Variants in PEX5L observed in about 807,000 individuals in gnomAD.
PEX5L encodes peroxisomal biogenesis factor 5 like.
A neutral mutation model predicts 84.0 loss-of-function variants in PEX5L; 30 were observed. The ratio of observed to expected loss-of-function variants is 0.36; its 90% CI spans 0.27 to 0.48. The LOEUF (loss-of-function observed/expected upper bound fraction) is 0.48, where lower values mean the gene tolerates loss of function less well. PEX5L is among the 20% of genes least tolerant of loss of function. The pLI is 0.99. For missense variants in PEX5L, 533 were observed against 754.6 expected (o/e 0.71, Z 3.44); for synonymous variants, 270 against 283.1 (o/e 0.95, Z 0.46).
chr3:179,891,037 T>C (rs971517018), intron 3 of PEX5L, among the ~76,000 whole-genome samples: 1 of 151,338 alleles, frequency 6.6e-6, no homozygotes, highest in African/African-American at 2.4e-5. Context: ...GAAAGCACAC[T>C]AGCACTCTCA....
chr3:179,947,028 C>G lies in PEX5L; in HGVS notation c.93+24566G>C, dbSNP rs1278581587. Reference sequence around the variant, plus strand: ...GGTTTCATAGTATATGAAACATGGACGCCCTACTTGGGTAATTTTCAATTG... The same window carrying G: ...GGTTTCATAGTATATGAAACATGGAGGCCCTACTTGGGTAATTTTCAATTG... On this transcript the variant is annotated intron_variant, in intron 2 of 14. Transcript: ENST00000467460. Among the ~76,000 whole-genome samples, 10 of 152,222 alleles carry G rather than the reference C, an allele frequency of 6.6e-5. No individual in the cohort carries two copies. In the East Asian group the frequency reaches 1.9e-3, roughly 29 times the overall value.
At chr3:179,814,286 TG>T (rs1464325995) in intron 10 of PEX5L, among the ~76,000 whole-genome samples, 1 of 152,204 alleles carries the variant, frequency 6.6e-6, no homozygotes, top group African/African-American at 2.4e-5. Flanking sequence ...GGCTAAATAT[TG>T]ATGTGCCAGG....
intron 1 of PEX5L, among the ~76,000 whole-genome samples, chr3:180,026,864 AC>A (rs554491787): frequency 9.4e-4 from 143 of 152,272 alleles, no homozygotes; most frequent in African/African-American, 3.2e-3. Flanking sequence ...CTTAAAAAAA[AC>A]TTCCCCAAAT....
At chr3:179,905,124 G>A (rs931743505) in intron 2 of PEX5L, among the ~76,000 whole-genome samples, 1 of 152,094 alleles carries the variant, frequency 6.6e-6, no homozygotes, top group African/African-American at 2.4e-5. Context: ...TAAAAGCCTG[G>A]ACCCTTTAGA....
At chr3:179,843,003 C>T (rs1737876825) in intron 8 of PEX5L, among the ~76,000 whole-genome samples, 1 of 151,790 alleles carries the variant, frequency 6.6e-6, no homozygotes, top group Non-Finnish European at 1.5e-5. Context: ...TTCTCTTTTC[C>T]CATCATGGCT....
intron 1 of PEX5L, among the ~76,000 whole-genome samples, chr3:179,978,986 C>T (rs1220646531): frequency 2.6e-5 from 4 of 152,118 alleles, no homozygotes; most frequent in Non-Finnish European, 2.9e-5. Context: ...TGAAAAACAG[C>T]AAACAACCTC....
intron 1 of PEX5L, among the ~76,000 whole-genome samples, chr3:180,025,647 G>A (rs952778999): frequency 7.9e-5 from 12 of 152,024 alleles, no homozygotes; most frequent in African/African-American, 2.9e-4. Context: ...CATTCAGAGC[G>A]TATGTAAGGC....
intron 2 of PEX5L, among the ~76,000 whole-genome samples, chr3:179,940,426 A>G (rs17692413): frequency 0.026 from 3,976 of 152,120 alleles, 78 homozygotes; most frequent in Middle Eastern, 0.058. Context: ...AATGAGATGG[A>G]AAGAGACCTA....
At chr3:179,878,316 A>G (rs1199061365) in intron 5 of PEX5L, among the ~76,000 whole-genome samples, 1 of 152,014 alleles carries the variant, frequency 6.6e-6, no homozygotes, top group Non-Finnish European at 1.5e-5. Context: ...CCTTGTCACT[A>G]TTGGATCTCT....
At chr3:179,919,441 T>C in intron 2 of PEX5L, among the ~76,000 whole-genome samples, 1 of 152,202 alleles carries the variant, frequency 6.6e-6, no homozygotes, top group East Asian at 1.9e-4. Flanking sequence ...TTTTGGCAAA[T>C]GACTAGGGGC....
chr3:179,887,144 C>T (rs1756143707), intron 4 of PEX5L, among the ~76,000 whole-genome samples: 1 of 152,136 alleles, frequency 6.6e-6, no homozygotes, highest in Non-Finnish European at 1.5e-5. Context: ...ATGTTTAATT[C>T]CAGGAGAACA....
intron 11 of PEX5L, 113 bp from the exon 12 acceptor site, chr3:179,809,781 C>T (rs1185508064): frequency 4.2e-6 from 3 of 710,704 alleles, no homozygotes; most frequent in Non-Finnish European, 6.9e-6. Context: ...CATTGGTAAG[C>T]TTGCTTATGT....
intron 8 of PEX5L, among the ~76,000 whole-genome samples, chr3:179,825,793 C>T (rs114718144): frequency 8.5e-5 from 13 of 152,158 alleles, no homozygotes; most frequent in Admixed American, 6.5e-4. Flanking sequence ...TAAGAGTAAG[C>T]GTTAAGCGAA....
chr3:179,981,481 T>C (rs1037980516), intron 1 of PEX5L, among the ~76,000 whole-genome samples: 2 of 152,274 alleles, frequency 1.3e-5, no homozygotes, highest in East Asian at 3.9e-4. Context: ...CCCACACCAA[T>C]TTTATAATGA....
intron 4 of PEX5L, among the ~76,000 whole-genome samples, chr3:179,884,135 CAA>C (rs537357998): frequency 1.4e-4 from 21 of 152,042 alleles, no homozygotes; most frequent in Non-Finnish European, 5.9e-5. Context: ...GTAACTTGTC[CAA>C]AATCACACAG....
chr3:179,942,359 C>A (rs1776373807), intron 2 of PEX5L, among the ~76,000 whole-genome samples: 1 of 152,202 alleles, frequency 6.6e-6, no homozygotes, highest in African/African-American at 2.4e-5. Context: ...ATGTCCCTCT[C>A]GCGGCTGTTC....
chr3:179,974,825 T>A (rs1785553976), intron 1 of PEX5L, among the ~76,000 whole-genome samples: 1 of 152,168 alleles, frequency 6.6e-6, no homozygotes, highest in South Asian at 2.1e-4. Context: ...TACCCCTTTG[T>A]CCTCTCCTCC....
At chr3:180,033,575 T>C (rs1046845362) in intron 1 of PEX5L, among the ~76,000 whole-genome samples, 4 of 152,162 alleles carry the variant, frequency 2.6e-5, no homozygotes, top group African/African-American at 9.7e-5. Context: ...CAAATGCACA[T>C]AGGCAAATAA....
At chr3:179,808,849 G>A (rs903122151) in intron 12 of PEX5L, among the ~76,000 whole-genome samples, 7 of 151,694 alleles carry the variant, frequency 4.6e-5, no homozygotes, top group Non-Finnish European at 7.4e-5. Context: ...AGGCCGAGGC[G>A]GGCGGATCAC....
Sources: allele counts gnomAD v4.1 joint callset (sites outside exome capture counted in the v4.1 genomes callset), GRCh38; gene constraint gnomAD v4.1.1; transcripts MANE v1.5; gene names NCBI Gene and HGNC (gene_info 2026-07-23, HGNC 2026-07-21).